HNRNPCL1: variants seen among roughly 807,000 people sequenced by gnomAD.
The protein encoded by HNRNPCL1 is heterogeneous nuclear ribonucleoprotein C-like 1.
A neutral mutation model predicts 19.0 loss-of-function variants in HNRNPCL1; 15 were observed. That is an observed-to-expected ratio of 0.79 (90% CI 0.53 to 1.22). HNRNPCL1 has a LOEUF of 1.22. HNRNPCL1 is among the 50% of genes most tolerant of loss of function. The probability of loss-of-function intolerance (pLI) is 0.00; values close to 1 mark genes in which losing one functional copy is unlikely to be tolerated. For missense variants in HNRNPCL1, 327 were observed against 354.7 expected, an observed-to-expected ratio of 0.92 and a Z score of 0.63; for synonymous variants, 110 against 129.1, an observed-to-expected ratio of 0.85 and a Z score of 1.00.
At position 12,847,948 on chromosome 1, in the gene HNRNPCL1, G is replaced by A. The variant is rs1446524043; in HGVS notation, c.342C>T (p.Gly114=). 10 of 1,607,406 alleles carry A rather than the reference G, an allele frequency of 6.2e-6. No homozygotes were observed. The highest frequency in any genetic ancestry group is 1.7e-5 in the Admixed American group (1 of 58,094). ...TTCCATCATAATAATCCCGTTGAAA[G>A]CCATAGTCCAAGTCAAAAGAGGAGC... ...MYGSSFDLDY[G]FQRDYYDGMY... The change falls in exon 2 of 2, where the codon GGC becomes GGT. Residue 114 remains glycine (G), a synonymous_variant. Coordinates refer to ENST00000317869, the MANE Select transcript of HNRNPCL1 (RefSeq NM_001013631.3).
At position 12,848,004 on chromosome 1, in the gene HNRNPCL1, C is replaced by T. The variant is rs1304314755; in HGVS notation, c.286G>A (p.Gly96Ser). The part of the protein sequence containing the change: ...AEPKVNRGNA[G>S]VKRSAAEMYG... Reference sequence around the variant, plus strand: ...ATCTCCGCTGCTGATCGTTTCACACCTGCGTTTCCTCGGTTCACTTTTGGC... The same window carrying T: ...ATCTCCGCTGCTGATCGTTTCACACTTGCGTTTCCTCGGTTCACTTTTGGC... The change falls in exon 2 of 2, where the codon GGT becomes AGT. Residue 96 changes from glycine (G) to serine (S), a missense_variant. Gly to Ser is a moderately conservative substitution (Grantham distance 56). Around this residue, in one of 2 missense-constraint regions of HNRNPCL1, gnomAD observed 281 missense variants for 254.7 expected, o/e 1.10. Coordinates refer to ENST00000317869, the MANE Select transcript of HNRNPCL1 (RefSeq NM_001013631.3). The T allele has an allele frequency of 6.2e-7, 1 of 1,607,656 alleles. No homozygotes were observed. The highest frequency in any genetic ancestry group is 8.5e-7 in the Non-Finnish European group (1 of 1,177,052).
rs1461936061 is a variant in HNRNPCL1, at chr1:12,847,873, A to C, written c.417T>G (p.Ala139=). 6.2e-7 allele frequency: 1 copy of C among 1,606,524 alleles called. No homozygotes were observed. The highest frequency in any genetic ancestry group is 1.3e-5 in the African/African-American group (1 of 74,292). Reference sequence around the variant, plus strand: ...GACGTTGACGTTTCGAGGGCACTACAGCCAGAGCAATGGGAGGAGGAGGAG... The same window carrying C: ...GACGTTGACGTTTCGAGGGCACTACCGCCAGAGCAATGGGAGGAGGAGGAG... The part of the protein sequence containing the change: ...RVPPPPPIAL[A]VVPSKRQRLS... Residue 139 remains alanine (A), a synonymous_variant, in exon 2 of 2, where the codon GCT becomes GCG. Transcript: ENST00000317869.
In HNRNPCL1 at chr1:12,847,919, T is replaced by C. The variant is rs779395347; in HGVS notation, c.371A>G (p.Tyr124Cys). The change falls in exon 2 of 2, where the codon TAC becomes TGC. Residue 124 changes from tyrosine to cysteine, a missense_variant. By Grantham distance (194) the Tyr-to-Cys change is radical. Coordinates refer to ENST00000317869, the MANE Select transcript of HNRNPCL1 (RefSeq NM_001013631.3). ...AGGAGGTACACGTGCTGGGAAACTG[T>C]ACATTCCATCATAATAATCCCGTTG... ...GFQRDYYDGM[Y>C]SFPARVPPPP... 1.2e-6 allele frequency: 2 copies of C among 1,606,792 alleles called. No homozygotes were observed. The highest frequency in any genetic ancestry group is 1.3e-5 in the African/African-American group (1 of 74,362).
Position 12,848,669 on chromosome 1 carries a change from T to A in HNRNPCL1, c.-182+12A>T, listed in dbSNP as rs570109059. 2.8e-5 allele frequency: 7 copies of A among 248,112 alleles called. 1 individual carries two copies. The highest frequency in any genetic ancestry group is 1.6e-4 in the African/African-American group (7 of 43,842). 15.4% of individuals were successfully genotyped at this position (248,112 alleles called of 1,614,324 possible). A position where few individuals can be genotyped will look rare whatever the true frequency, so the allele number is the denominator to read the frequency against. The stretch of plus-strand genomic sequence containing the variant: ...TCAGATGGGAGTGTCCTTCCAGAAA[T>A]TAGTGACTTACCAGATCTGGTTGTA... On this transcript the variant is annotated intron_variant, in intron 1 of 1. Transcript: ENST00000317869.
rs766604896 is a variant in HNRNPCL1 at position 12,848,110 on chromosome 1, C to T, written c.180G>A (p.Glu60=). 1 of 1,603,662 alleles carries T rather than the reference C, an allele frequency of 6.2e-7. No individual in the cohort carries two copies. The highest frequency in any genetic ancestry group is 8.5e-7 in the Non-Finnish European group (1 of 1,175,210). Residue 60 remains glutamate (E), a synonymous_variant, in exon 2 of 2, where the codon GAG becomes GAA. Coordinates refer to ENST00000317869, the MANE Select transcript of HNRNPCL1 (RefSeq NM_001013631.3). ...CTGCTACAGCAGCCCGGGCATTTTT[C>T]TCCTTATCATATTGAACGAAGGCAA... ...KGFAFVQYDK[E]KNARAAVAGE... is the part of the protein sequence containing the mutation.
Position 12,847,956 on chromosome 1 carries a change from C to T in HNRNPCL1, c.334G>A (p.Asp112Asn), listed in dbSNP as rs774284598. 1 of 1,607,582 alleles carries T rather than the reference C, an allele frequency of 6.2e-7. No individual in the cohort carries two copies. The highest frequency in any genetic ancestry group is 8.5e-7 in the Non-Finnish European group (1 of 1,177,034). Reference protein sequence around the residue: ...AEMYGSSFDLDYGFQRDYYDG... With the variant: ...AEMYGSSFDLNYGFQRDYYDG... ...TAATAATCCCGTTGAAAGCCATAGT[C>T]CAAGTCAAAAGAGGAGCCGTACATC... Residue 112 changes from aspartate (D) to asparagine (N), a missense_variant, in exon 2 of 2, where the codon GAC becomes AAC. Transcript: ENST00000317869.
rs755860613 is a variant in HNRNPCL1 at position 12,847,480 on chromosome 1, G to C, written c.810C>G (p.Ile270Met). Residue 270 changes from isoleucine (I) to methionine (M), a missense_variant, in exon 2 of 2, where the codon ATC becomes ATG. Physicochemically the swap from Ile to Met is conservative, Grantham distance 10. This residue lies in a region of HNRNPCL1 where 281 missense variants were observed against 254.7 expected (regional missense o/e 1.10). Transcript: ENST00000317869. Reference protein sequence around the residue: ...EDQGDDQLELIKDDEKEAEEG... With the variant: ...EDQGDDQLELMKDDEKEAEEG... ...CCTCAGCCTCTTTTTCATCATCCTT[G>C]ATCAACTCCAGCTGGTCATCCCCCT... 8.1e-6 allele frequency: 13 copies of C among 1,606,436 alleles called. No homozygotes were observed. The highest frequency in any genetic ancestry group is 1.1e-5 in the Non-Finnish European group (13 of 1,176,672).
Position 12,847,672 on chromosome 1 carries a change from C to A in HNRNPCL1, c.618G>T (p.Lys206Asn), listed in dbSNP as rs916407190. 18 of 1,606,562 alleles carry A rather than the reference C, an allele frequency of 1.1e-5. No individual in the cohort carries two copies. Among genetic ancestry groups the A allele is most frequent in the Non-Finnish European group, 1.5e-5 (18 of 1,176,524 alleles). Residue 206 changes from lysine (K) to asparagine (N), a missense_variant, in exon 2 of 2, where the codon AAG becomes AAT. Lys to Asn is a moderately conservative substitution (Grantham distance 94, BLOSUM62 0). This residue lies in a region of HNRNPCL1 where 281 missense variants were observed against 254.7 expected (regional missense o/e 1.10). Transcript: ENST00000317869. ...SLLENLEKIE[K>N]EQSKQEVEVK... ...CCTCTACCTCTTGTTTGCTCTGTTCCTTTTCAATTTTTTCCAGGTTTTCCA... is the reference window on the plus strand; with the variant it reads ...CCTCTACCTCTTGTTTGCTCTGTTCATTTTCAATTTTTTCCAGGTTTTCCA...
chr1:12,847,443 C>T lies in HNRNPCL1; in HGVS notation c.847G>A (p.Asp283Asn), dbSNP rs2359493. ...TCCTGGCCATTGGTGCTGTCTCTGT[C>T]ATCCTCTCCTTCCTCAGCCTCTTTT... ...DEKEAEEGED[D>N]RDSTNGQDDS Residue 283 changes from aspartate (D) to asparagine (N), a missense_variant, in exon 2 of 2, where the codon GAC (aspartate) becomes AAC (asparagine). Asp to Asn is a conservative substitution (Grantham distance 23). This residue lies in a region of HNRNPCL1 where 281 missense variants were observed against 254.7 expected (regional missense o/e 1.10). Transcript: ENST00000317869. 1.6e-5 allele frequency: 26 copies of T among 1,606,680 alleles called. 1 individual carries two copies. The highest frequency in any genetic ancestry group is 1.6e-4 in the Middle Eastern group (1 of 6,078).
At position 12,847,988 on chromosome 1, in the gene HNRNPCL1, G is replaced by A. The variant is rs577606989; in HGVS notation, c.302C>T (p.Ala101Val). 6.2e-7 allele frequency: 1 copy of A among 1,607,716 alleles called. No individual in the cohort carries two copies. The highest frequency in any genetic ancestry group is 1.1e-5 in the South Asian group (1 of 90,704). The stretch of plus-strand genomic sequence containing the variant: ...AAAAGAGGAGCCGTACATCTCCGCT[G>A]CTGATCGTTTCACACCTGCGTTTCC... ...NRGNAGVKRS[A>V]AEMYGSSFDL... Residue 101 changes from alanine (A) to valine (V), a missense_variant, in exon 2 of 2, where the codon GCA becomes GTA. Around this residue, in one of 2 missense-constraint regions of HNRNPCL1, gnomAD observed 281 missense variants for 254.7 expected, o/e 1.10. Transcript: ENST00000317869.
intron 1 of HNRNPCL1, 89 bp from the exon 2 acceptor site, chr1:12,848,559 A>T (rs1488131553): frequency 5.6e-6 from 4 of 709,216 alleles, no homozygotes; most frequent in Non-Finnish European, 8.7e-6. Flanking sequence ...CAAAGTGTTC[A>T]TATGAAAAAA....
chr1:12,848,153 C>T lies in HNRNPCL1; in HGVS notation c.137G>A (p.Cys46Tyr). ...IFSKYGKIAG[C>Y]SVHKGFAFVQ... ...GAAGGCAAAGCCCTTATGAACAGAGCAGCCCGCAATTTTGCCATACTTGGA... is the reference window on the plus strand; with the variant it reads ...GAAGGCAAAGCCCTTATGAACAGAGTAGCCCGCAATTTTGCCATACTTGGA... Residue 46 changes from cysteine to tyrosine, a missense_variant, in exon 2 of 2, where the codon TGC becomes TAC. Coordinates refer to ENST00000317869, the MANE Select transcript of HNRNPCL1 (RefSeq NM_001013631.3). 1 of 1,594,662 alleles carries T rather than the reference C, an allele frequency of 6.3e-7. No individual in the cohort carries two copies. The highest frequency in any genetic ancestry group is 8.5e-7 in the Non-Finnish European group (1 of 1,169,742).
chr1:12,847,566 C>T lies in HNRNPCL1; in HGVS notation c.724G>A (p.Gly242Arg), dbSNP rs537856884. ...DETHVKMESE[G>R]GAEDSAEEGD... ...TCCTCAGCAGAGTCTTCTGCACCCC[C>T]CTCAGACTCCATCTTCACATGAGTC... The change falls in exon 2 of 2, where the codon GGG (glycine) becomes AGG (arginine). Residue 242 changes from glycine (G) to arginine (R), a missense_variant. By Grantham distance (125) the Gly-to-Arg change is moderately radical. This residue lies in a region of HNRNPCL1 where 281 missense variants were observed against 254.7 expected (regional missense o/e 1.10). Coordinates refer to ENST00000317869, the MANE Select transcript of HNRNPCL1 (RefSeq NM_001013631.3). The T allele has an allele frequency of 5.6e-6, 9 of 1,606,580 alleles. No individual in the cohort carries two copies. The highest frequency in any genetic ancestry group is 1.3e-5 in the African/African-American group (1 of 74,236).
chr1:12,847,547 G>A lies in HNRNPCL1; in HGVS notation c.743C>T (p.Ala248Val), dbSNP rs149302457. The change falls in exon 2 of 2, where the codon GCT (alanine) becomes GTT (valine). Residue 248 changes from alanine (A) to valine (V), a missense_variant. Transcript: ENST00000317869. The part of the protein sequence containing the change: ...MESEGGAEDS[A>V]EEGDPLDDDV... ...ATCATCCAGTGGGTCCCCCTCCTCA[G>A]CAGAGTCTTCTGCACCCCCCTCAGA... 5 of 1,606,544 alleles carry A rather than the reference G, an allele frequency of 3.1e-6. No homozygotes were observed. Among genetic ancestry groups the A allele is most frequent in the East Asian group, 2.2e-5 (1 of 44,686 alleles).
At position 12,847,679 on chromosome 1, in the gene HNRNPCL1, A is replaced by T. The variant is rs773506725; in HGVS notation, c.611T>A (p.Ile204Asn). 2 of 1,605,700 alleles carry T rather than the reference A, an allele frequency of 1.2e-6. No homozygotes were observed. Among genetic ancestry groups the T allele is most frequent in the Admixed American group, 1.7e-5 (1 of 57,878 alleles). ...VDSLLENLEK[I>N]EKEQSKQEVE... is the part of the protein sequence containing the mutation. ...CTCTTGTTTGCTCTGTTCCTTTTCA[A>T]TTTTTTCCAGGTTTTCCAGGAGAGA... Residue 204 changes from isoleucine (I) to asparagine (N), a missense_variant, in exon 2 of 2, where the codon ATT becomes AAT. Ile to Asn is a moderately radical substitution (Grantham distance 149). Coordinates refer to ENST00000317869, the MANE Select transcript of HNRNPCL1 (RefSeq NM_001013631.3).
Position 12,847,707 on chromosome 1 carries a change from C to G in HNRNPCL1, c.583G>C (p.Asp195His). 7 of 1,606,590 alleles carry G rather than the reference C, an allele frequency of 4.4e-6. 1 individual carries two copies. The highest frequency in any genetic ancestry group is 5.9e-6 in the Non-Finnish European group (7 of 1,176,500). The change falls in exon 2 of 2, where the codon GAT (aspartate) becomes CAT (histidine). Residue 195 changes from aspartate to histidine, a missense_variant. Physicochemically the swap from Asp to His is moderately conservative, Grantham distance 81. Transcript: ENST00000317869. ...QELTQIKQKV[D>H]SLLENLEKIE... Reference sequence around the variant, plus strand: ...TTTTCCAGGTTTTCCAGGAGAGAATCCACTTTCTGTTTTATCTGGGTCAAC... The same window carrying G: ...TTTTCCAGGTTTTCCAGGAGAGAATGCACTTTCTGTTTTATCTGGGTCAAC...
chr1:12,847,691 T>C lies in HNRNPCL1; in HGVS notation c.599A>G (p.Asn200Ser). ...CTGTTCCTTTTCAATTTTTTCCAGG[T>C]TTTCCAGGAGAGAATCCACTTTCTG... is the stretch of plus-strand genomic sequence containing the variant. The part of the protein sequence containing the change: ...IKQKVDSLLE[N>S]LEKIEKEQSK... Residue 200 changes from asparagine to serine, a missense_variant, in exon 2 of 2, where the codon AAC becomes AGC. By Grantham distance (46) the Asn-to-Ser change is conservative. Coordinates refer to ENST00000317869, the MANE Select transcript of HNRNPCL1 (RefSeq NM_001013631.3). The C allele has an allele frequency of 6.2e-7, 1 of 1,606,608 alleles. No individual in the cohort carries two copies. The highest frequency in any genetic ancestry group is 8.5e-7 in the Non-Finnish European group (1 of 1,176,490).
intron 1 of HNRNPCL1, 81 bp downstream of exon 1, chr1:12,848,600 G>A (rs41279494): frequency 0.11 from 51,010 of 470,518 alleles, 3,064 homozygotes; most frequent in Non-Finnish European, 0.12. Context: ...GTTCTGTGCC[G>A]TCGTAGGCTG....
Position 12,848,003 on chromosome 1 carries a change from C to T in HNRNPCL1, c.287G>A (p.Gly96Asp), listed in dbSNP as rs760386091. 2 of 1,607,546 alleles carry T rather than the reference C, an allele frequency of 1.2e-6. No individual in the cohort carries two copies. Among genetic ancestry groups the T allele is most frequent in the Admixed American group, 3.4e-5 (2 of 58,080 alleles). Residue 96 changes from glycine to aspartate, a missense_variant, in exon 2 of 2, where the codon GGT becomes GAT. Around this residue, in one of 2 missense-constraint regions of HNRNPCL1, gnomAD observed 281 missense variants for 254.7 expected, o/e 1.10. Transcript: ENST00000317869. ...CATCTCCGCTGCTGATCGTTTCACACCTGCGTTTCCTCGGTTCACTTTTGG... is the reference window on the plus strand; with the variant it reads ...CATCTCCGCTGCTGATCGTTTCACATCTGCGTTTCCTCGGTTCACTTTTGG... Reference protein sequence around the residue: ...AEPKVNRGNAGVKRSAAEMYG... With the variant: ...AEPKVNRGNADVKRSAAEMYG...
Sources: gnomAD v4.1 joint callset for allele counts on GRCh38, gnomAD v4.1.1 for gene constraint, gnomAD v4.1.1 regional missense constraint, MANE v1.5 for transcripts, NCBI Gene and HGNC (gene_info 2026-07-23, HGNC 2026-07-21) for gene names.